KCNC2: variants seen among roughly 807,000 people sequenced by gnomAD.
KCNC2 encodes the protein potassium voltage-gated channel subfamily C member 2.
Under a neutral mutation model 44.5 loss-of-function variants are expected in KCNC2, and 21 were observed. The ratio of observed to expected loss-of-function variants is 0.47; its 90% CI spans 0.33 to 0.68. The LOEUF is 0.68. KCNC2 is among the 30% of genes least tolerant of loss of function. KCNC2 has a pLI of 0.01. For synonymous variants in KCNC2, 391 were observed against 339.1 expected (o/e 1.15, Z -1.68); for missense variants, 589 against 826.2 (o/e 0.71, Z 3.52).
intron 2 of KCNC2, among the ~76,000 whole-genome samples, chr12:75,156,819 T>C (rs186846405): frequency 6.6e-6 from 1 of 152,028 alleles, no homozygotes; most frequent in African/African-American, 2.4e-5. Context: ...TTAGAATTTC[T>C]TTATATCATT....
chr12:75,067,290 G>T (rs1460892185), intron 2 of KCNC2, among the ~76,000 whole-genome samples: 1 of 152,196 alleles, frequency 6.6e-6, no homozygotes, highest in Admixed American at 6.5e-5. Context: ...TTTATAGTTT[G>T]TGGCAAAGTC....
intron 2 of KCNC2, among the ~76,000 whole-genome samples, chr12:75,055,293 T>C (rs1181889757): frequency 6.6e-6 from 1 of 150,572 alleles, no homozygotes; most frequent in East Asian, 2.0e-4. Flanking sequence ...AGGTAAGTAA[T>C]ATAAATCAAA....
At chr12:75,176,778 C>A (rs1482511546) in intron 2 of KCNC2, among the ~76,000 whole-genome samples, 1 of 151,688 alleles carries the variant, frequency 6.6e-6, no homozygotes, top group Non-Finnish European at 1.5e-5. Context: ...TATTAAAGGC[C>A]ATTAAAATAT....
chr12:75,138,683 A>C (rs1889402057), intron 2 of KCNC2, among the ~76,000 whole-genome samples: 1 of 152,144 alleles, frequency 6.6e-6, no homozygotes, highest in African/African-American at 2.4e-5. Flanking sequence ...TTTACCTATA[A>C]GAAAACGGGA....
intron 2 of KCNC2, among the ~76,000 whole-genome samples, chr12:75,059,890 T>G (rs1882135820): frequency 6.6e-6 from 1 of 152,096 alleles, no homozygotes; most frequent in African/African-American, 2.4e-5. Flanking sequence ...TTGGAATGTC[T>G]TAAAATCTGG....
At chr12:75,141,698 A>C (rs1455559945) in intron 2 of KCNC2, among the ~76,000 whole-genome samples, 1 of 152,154 alleles carries the variant, frequency 6.6e-6, no homozygotes, top group Non-Finnish European at 1.5e-5. Flanking sequence ...GTTGTGGCTA[A>C]TATAAATTTA....
rs1190633517 is a variant in KCNC2 at position 75,177,033 on chromosome 12, TA to T, written c.687+30263del. Among the ~76,000 whole-genome samples the T allele has an allele frequency of 1.7e-3, 35 of 20,564 alleles. No individual in the cohort carries two copies. The South Asian group carries it at 0.024, about 14-fold the overall frequency. 13.5% of individuals were successfully genotyped at this position (20,564 alleles called of 152,430 possible). A position where few individuals can be genotyped will look rare whatever the true frequency, so the allele number is the denominator to read the frequency against. On this transcript the variant is annotated intron_variant, in intron 2 of 4. Coordinates refer to ENST00000549446, the MANE Select transcript of KCNC2 (RefSeq NM_139137.4). ...GTAAGTGAAGTGATGCTGCAAGTTT[TA>T]TATATATATATATATATATATATAC...
At chr12:75,044,092 A>G (rs1880213471) in intron 4 of KCNC2, among the ~76,000 whole-genome samples, 1 of 151,988 alleles carries the variant, frequency 6.6e-6, no homozygotes, top group Non-Finnish European at 1.5e-5. Flanking sequence ...AAGCAACCCT[A>G]TCAAGGTCAC....
chr12:75,074,507 C>T (rs1046095459), intron 2 of KCNC2, among the ~76,000 whole-genome samples: 2 of 152,094 alleles, frequency 1.3e-5, no homozygotes, highest in African/African-American at 4.8e-5. Context: ...ATCAAGTTTC[C>T]TCAAAGCAAA....
intron 2 of KCNC2, among the ~76,000 whole-genome samples, chr12:75,171,982 A>G (rs1475284322): frequency 1.3e-5 from 2 of 151,792 alleles, no homozygotes; most frequent in East Asian, 1.9e-4. Flanking sequence ...GCAAACCTGC[A>G]TATACTGCAC....
chr12:75,111,640 A>G (rs1441827180), intron 2 of KCNC2, among the ~76,000 whole-genome samples: 2 of 151,988 alleles, frequency 1.3e-5, no homozygotes, highest in African/African-American at 4.8e-5. Context: ...AAAATTGCCA[A>G]GTTTTGACAT....
intron 2 of KCNC2, among the ~76,000 whole-genome samples, chr12:75,176,433 A>C (rs1892187187): frequency 6.6e-6 from 1 of 151,948 alleles, no homozygotes; most frequent in Non-Finnish European, 1.5e-5. Flanking sequence ...TAAAAGTTGA[A>C]GTCCTTGCAA....
At chr12:75,128,130 G>C (rs1888567966) in intron 2 of KCNC2, among the ~76,000 whole-genome samples, 1 of 152,006 alleles carries the variant, frequency 6.6e-6, no homozygotes. Flanking sequence ...TATTCACTCA[G>C]AAGTAGAAAT....
intron 2 of KCNC2, among the ~76,000 whole-genome samples, chr12:75,196,340 C>A (rs2030761611): frequency 1.3e-5 from 2 of 152,102 alleles, no homozygotes; most frequent in East Asian, 3.9e-4. Context: ...ATTTAGAATC[C>A]ACACAGAAAA....
At position 75,042,701 on chromosome 12, in the gene KCNC2, A is replaced by G. The variant is rs1433648608; in HGVS notation, c.*404T>C. Reference sequence around the variant, plus strand: ...ACAAGTCATGTCGTGTGCAATCAAGATAGGATCCCAGACATCTTCAGAATG... The same window carrying G: ...ACAAGTCATGTCGTGTGCAATCAAGGTAGGATCCCAGACATCTTCAGAATG... On this transcript the variant is annotated 3_prime_UTR_variant, in exon 5 of 5. Coordinates refer to ENST00000549446, the MANE Select transcript of KCNC2 (RefSeq NM_139137.4). 8 of 1,180,492 alleles carry G rather than the reference A, an allele frequency of 6.8e-6. No homozygotes were observed. The Admixed American group carries it at 1.3e-4, about 19-fold the overall frequency. The allele number at this position is 1,180,492 out of a possible 1,614,324, so 73.1% of individuals were successfully genotyped here.
chr12:75,167,235 T>C (rs910572027), intron 2 of KCNC2, among the ~76,000 whole-genome samples: 2 of 151,380 alleles, frequency 1.3e-5, no homozygotes, highest in Non-Finnish European at 3.0e-5. Flanking sequence ...GGATGACCTT[T>C]TACTTTCTTT....
chr12:75,180,921 T>C (rs967360199), intron 2 of KCNC2, among the ~76,000 whole-genome samples: 3 of 152,112 alleles, frequency 2.0e-5, no homozygotes, highest in Admixed American at 1.3e-4. Flanking sequence ...TGATAACTTA[T>C]ACCTTTTCCA....
chr12:75,153,065 C>G (rs950900103), intron 2 of KCNC2, among the ~76,000 whole-genome samples: 1 of 151,638 alleles, frequency 6.6e-6, no homozygotes, highest in Non-Finnish European at 1.5e-5. Flanking sequence ...GAAGTAAATT[C>G]AGAGAAAAAA....
chr12:75,136,252 A>G (rs1057194484), intron 2 of KCNC2, among the ~76,000 whole-genome samples: 3 of 152,084 alleles, frequency 2.0e-5, no homozygotes, highest in Non-Finnish European at 4.4e-5. Flanking sequence ...ATCAGAAATC[A>G]GTAACCTAAT....
Sources: allele counts gnomAD v4.1 joint callset (sites outside exome capture counted in the v4.1 genomes callset), GRCh38; gene constraint gnomAD v4.1.1; transcripts MANE v1.5; gene names NCBI Gene and HGNC (gene_info 2026-07-23, HGNC 2026-07-21).